FAM228B: variants seen among roughly 807,000 people sequenced by gnomAD.
FAM228B encodes the protein protein FAM228B.
A neutral mutation model predicts 42.6 loss-of-function variants in FAM228B; 38 were observed. The observed-to-expected ratio is 0.89, with a 90% CI of 0.69 to 1.17. The LOEUF (loss-of-function observed/expected upper bound fraction) is 1.17. FAM228B is among the 50% of genes most tolerant of loss of function. The pLI, the probability that FAM228B is intolerant of heterozygous loss-of-function variation, is 0.00. For synonymous variants in FAM228B, 109 were observed against 122.3 expected (o/e 0.89, Z 0.72); for missense variants, 344 against 367.3 (o/e 0.94, Z 0.52).
upstream of FAM228B, among the ~76,000 whole-genome samples, chr2:24,120,277 A>C (rs78055696): frequency 7.6e-3 from 1,155 of 151,496 alleles, 5 homozygotes; most frequent in Non-Finnish European, 0.01. Flanking sequence ...TCAAAAAAAA[A>C]AACAACAACA....
rs549299669 is a variant in FAM228B at position 24,086,407 on chromosome 2, A to G, written c.-210+5452A>G. 2.0e-5 allele frequency among the ~76,000 whole-genome samples: 3 copies of G among 152,328 alleles called. No individual in the cohort carries two copies. In the South Asian group the frequency reaches 6.2e-4, roughly 32 times the overall value. ...GAACAAAAATGCATGCCTATATTTT[A>G]TAAAATTTCAGGTTCTAACAAGTGT... On this transcript the variant is annotated intron_variant, in intron 2 of 10. Transcript: ENST00000613899.
In FAM228B at chr2:24,115,727, A is replaced by G. The variant is rs1665893772; in HGVS notation, c.-120-19392A>G. 2.6e-6 allele frequency: 3 copies of G among 1,140,996 alleles called. No individual in the cohort carries two copies. In the South Asian group the frequency reaches 3.8e-5, roughly 15 times the overall value. The allele number at this position is 1,140,996 out of a possible 1,614,324, so 70.7% of individuals were successfully genotyped here. On this transcript the variant is annotated intron_variant, in intron 3 of 10. Coordinates refer to the FAM228B transcript ENST00000613899. The stretch of plus-strand genomic sequence containing the variant: ...GCCAGGTGACTGCCATGTGCTAGGC[A>G]CTGTGCTAGGTACTGGAGAAACAAG...
chr2:24,111,869 A>AG (rs1665801547), intron 3 of FAM228B, among the ~76,000 whole-genome samples: 1 of 151,696 alleles, frequency 6.6e-6, no homozygotes, highest in South Asian at 2.1e-4. Flanking sequence ...GCCAAAAAAA[A>AG]CCCCTCAACT....
At chr2:24,136,250 G>A (rs1342532408) in intron 3 of FAM228B, among the ~76,000 whole-genome samples, 3 of 150,820 alleles carry the variant, frequency 2.0e-5, no homozygotes, top group Non-Finnish European at 3.0e-5. Flanking sequence ...TTTTTGAAAC[G>A]GAGTCTTACT....
intron 3 of FAM228B, among the ~76,000 whole-genome samples, chr2:24,110,525 C>T (rs1286718946): frequency 6.6e-6 from 1 of 152,096 alleles, no homozygotes; most frequent in East Asian, 1.9e-4. Context: ...AACAGAAGCC[C>T]ATATAAAAAC....
chr2:24,092,133 G>A (rs995361011), intron 2 of FAM228B, among the ~76,000 whole-genome samples: 2 of 140,042 alleles, frequency 1.4e-5, no homozygotes, highest in Admixed American at 7.9e-5. Context: ...CTGGGAGATG[G>A]AAAGATCACA....
At chr2:24,090,171 A>G (rs1432776043) in intron 2 of FAM228B, among the ~76,000 whole-genome samples, 5 of 150,832 alleles carry the variant, frequency 3.3e-5, no homozygotes, top group African/African-American at 7.3e-5. Context: ...GGGAGGTTGA[A>G]GCAGGAGAAT....
intron 7 of FAM228B, among the ~76,000 whole-genome samples, chr2:24,147,793 A>T (rs1013089506): frequency 2.0e-5 from 3 of 151,866 alleles, no homozygotes; most frequent in Admixed American, 6.6e-5. Flanking sequence ...CACCTTTTCC[A>T]CTAGATTCTT....
At chr2:24,130,193 C>G (rs10185920) in intron 2 of FAM228B, among the ~76,000 whole-genome samples, 17,665 of 152,182 alleles carry the variant, frequency 0.12, 1,238 homozygotes, top group South Asian at 0.18. Context: ...TGTACATTTT[C>G]TTTATCCAGT....
At chr2:24,167,315 C>G (rs970691158) in intron 9 of FAM228B, among the ~76,000 whole-genome samples, 2 of 152,148 alleles carry the variant, frequency 1.3e-5, no homozygotes, top group Non-Finnish European at 2.9e-5. Flanking sequence ...GTTCTAGTCA[C>G]TGACCTAGGG....
upstream of FAM228B, chr2:24,122,922 A>T (rs1666167126): frequency 6.2e-6 from 1 of 162,296 alleles, no homozygotes; most frequent in South Asian, 1.9e-4. Context: ...CAGGATGGAG[A>T]GCTACCCTGC....
intron 2 of FAM228B, among the ~76,000 whole-genome samples, chr2:24,086,361 C>T (rs1323595719): frequency 6.6e-6 from 1 of 151,996 alleles, no homozygotes; most frequent in African/African-American, 2.4e-5. Flanking sequence ...TGAAAACATT[C>T]ACTAAAGGAT....
chr2:24,142,853 G>A (rs1481392137), intron 5 of FAM228B: 2 of 152,208 alleles, frequency 1.3e-5, no homozygotes, highest in Non-Finnish European at 2.9e-5. Context: ...AATTGGTACT[G>A]ATATTAATGA....
At chr2:24,131,599 GA>G (rs758828167) in intron 2 of FAM228B, among the ~76,000 whole-genome samples, 1 of 152,192 alleles carries the variant, frequency 6.6e-6, no homozygotes, top group Non-Finnish European at 1.5e-5. Context: ...AATTGTGAAT[GA>G]GAGTTTATTA....
chr2:24,156,646 AAATAAT>A (rs1667153985), intron 7 of FAM228B, among the ~76,000 whole-genome samples: 1 of 152,130 alleles, frequency 6.6e-6, no homozygotes, highest in African/African-American at 2.4e-5. Context: ...AAAATAATAA[AAATAAT>A]AATAATTTGC....
intron 3 of FAM228B, among the ~76,000 whole-genome samples, chr2:24,110,670 T>G (rs565056778): frequency 6.6e-6 from 1 of 152,320 alleles, no homozygotes; most frequent in South Asian, 2.1e-4. Flanking sequence ...TATTCCTGAC[T>G]TGCATCCTTT....
intron 2 of FAM228B, among the ~76,000 whole-genome samples, chr2:24,094,791 G>A (rs1665462804): frequency 6.6e-6 from 1 of 152,126 alleles, no homozygotes. Context: ...CCTACATCAG[G>A]CTTTTAAATA....
intron 3 of FAM228B, among the ~76,000 whole-genome samples, chr2:24,109,152 C>CAA (rs145615269): frequency 2.3e-4 from 15 of 66,278 alleles, no homozygotes; most frequent in Non-Finnish European, 3.8e-4. Context: ...ACAAAGTTGA[C>CAA]AAAAAAAAAG....
intron 2 of FAM228B, among the ~76,000 whole-genome samples, chr2:24,094,029 CTTTTTTTTTTT>C (rs57620033): frequency 5.2e-5 from 4 of 77,390 alleles, no homozygotes; most frequent in African/African-American, 5.0e-5. Context: ...TCGCCACATA[CTTTTTTTTTTT>C]TTTTTTTTTT....
Sources: gnomAD v4.1 joint callset for allele counts (sites outside exome capture counted in the v4.1 genomes callset) on GRCh38, gnomAD v4.1.1 for gene constraint, MANE v1.5 for transcripts, NCBI Gene and HGNC (gene_info 2026-07-23, HGNC 2026-07-21) for gene names.